DPY19L2: variants seen among roughly 807,000 people sequenced by gnomAD.
DPY19L2 encodes the protein dpy-19 like 2, also known as probable C-mannosyltransferase DPY19L2.
A neutral mutation model predicts 97.9 loss-of-function variants in DPY19L2; 34 were observed. The ratio of observed to expected loss-of-function variants is 0.35; its 90% CI spans 0.26 to 0.46. The LOEUF is 0.46. Ranked by LOEUF, DPY19L2 falls within the 20% of genes least tolerant of loss-of-function variation. The probability of loss-of-function intolerance (pLI) is 1.00; values close to 1 mark genes in which losing one functional copy is unlikely to be tolerated. For missense variants in DPY19L2, 623 were observed against 911.4 expected (o/e 0.68, Z 4.07); for synonymous variants, 230 against 307.9 (o/e 0.75, Z 2.65).
At chr12:63,627,839 T>C (rs1889841498) in intron 6 of DPY19L2, among the ~76,000 whole-genome samples, 4 of 152,142 alleles carry the variant, frequency 2.6e-5, no homozygotes. Context: ...TTCATTACTA[T>C]ATCCCCAGCT....
Position 63,582,389 on chromosome 12 carries a change from A to G in DPY19L2, c.1725+17T>C. 1 of 1,605,588 alleles carries G rather than the reference A, an allele frequency of 6.2e-7. No homozygotes were observed. The highest frequency in any genetic ancestry group is 8.5e-7 in the Non-Finnish European group (1 of 1,177,280). On this transcript the variant is annotated intron_variant, in intron 18 of 21. Transcript: ENST00000324472. ...TATAGTTTTTATAGTATTGTTATACAAGAATGAATCCCTTACCTGTCGAGA... is the reference window on the plus strand; with the variant it reads ...TATAGTTTTTATAGTATTGTTATACGAGAATGAATCCCTTACCTGTCGAGA...
intron 9 of DPY19L2, among the ~76,000 whole-genome samples, 198 bp downstream of exon 9, chr12:63,621,038 CTG>C (rs1888610211): frequency 6.6e-6 from 1 of 151,508 alleles, no homozygotes; most frequent in Non-Finnish European, 1.5e-5. Flanking sequence ...ACAACACACA[CTG>C]GGGCCTGTCA....
At chr12:63,590,886 A>G (rs1439269495) in intron 16 of DPY19L2, 2 of 309,184 alleles carry the variant, frequency 6.5e-6, no homozygotes, top group South Asian at 2.7e-5. Context: ...CAAATATGTA[A>G]TCAATACATA....
intron 16 of DPY19L2, among the ~76,000 whole-genome samples, chr12:63,587,306 T>C (rs1241368064): frequency 6.6e-6 from 1 of 152,020 alleles, no homozygotes; most frequent in South Asian, 2.1e-4. Flanking sequence ...TCATTTTTAA[T>C]GTTGTATGTG....
chr12:63,633,612 G>A (rs1287328870), intron 6 of DPY19L2, among the ~76,000 whole-genome samples: 1 of 152,128 alleles, frequency 6.6e-6, no homozygotes. Context: ...TTACACTGTT[G>A]GTGGGACTGT....
intron 16 of DPY19L2, among the ~76,000 whole-genome samples, chr12:63,588,616 T>TTTAAAAAA (rs1882230393): frequency 6.6e-6 from 1 of 152,128 alleles, no homozygotes; most frequent in Non-Finnish European, 1.5e-5. Context: ...TAAAGCCATT[T>TTTAAAAAA]TTAAAAAATT....
In DPY19L2 at chr12:63,611,691, C is replaced by A. The variant is rs187058131; in HGVS notation, c.1219-3016G>T. On this transcript the variant is annotated intron_variant, in intron 11 of 21. Transcript: ENST00000324472. ...CAACAGGTTAGATACTGCAGAAAAA[C>A]AACCAGTGAACTCTTGAAGACACAG... Among the ~76,000 whole-genome samples the A allele has an allele frequency of 2.8e-4, 42 of 152,108 alleles. No individual in the cohort carries two copies. The East Asian group carries it at 8.1e-3, about 29-fold the overall frequency.
chr12:63,635,648 T>A (rs1473679570), intron 6 of DPY19L2, among the ~76,000 whole-genome samples: 1 of 152,066 alleles, frequency 6.6e-6, no homozygotes, highest in African/African-American at 2.4e-5. Context: ...ATGCACAAGC[T>A]TCAGTAGCCG....
intron 11 of DPY19L2, among the ~76,000 whole-genome samples, chr12:63,612,050 T>C (rs1332842478): frequency 6.6e-6 from 1 of 151,934 alleles, no homozygotes; most frequent in Non-Finnish European, 1.5e-5. Flanking sequence ...AAGTAACATA[T>C]TATTTACAGA....
intron 6 of DPY19L2, among the ~76,000 whole-genome samples, chr12:63,632,846 G>A (rs111810417): frequency 6.6e-6 from 1 of 152,086 alleles, no homozygotes; most frequent in Non-Finnish European, 1.5e-5. Context: ...AAAACAGCAT[G>A]GTACTGGTAC....
intron 16 of DPY19L2, among the ~76,000 whole-genome samples, chr12:63,593,291 T>G (rs1038498680): frequency 3.9e-5 from 6 of 152,186 alleles, no homozygotes; most frequent in African/African-American, 1.2e-4. Flanking sequence ...CATTACTGGG[T>G]ATATACTCAA....
chr12:63,605,330 T>C (rs1169189916), intron 12 of DPY19L2, among the ~76,000 whole-genome samples: 4 of 152,094 alleles, frequency 2.6e-5, no homozygotes, highest in African/African-American at 4.8e-5. Flanking sequence ...TTGGAGGGAA[T>C]AGTAGATACC....
intron 14 of DPY19L2, 27 bp from the exon 15 acceptor site, chr12:63,596,064 G>GA (rs1884181634): frequency 6.4e-7 from 1 of 1,563,412 alleles, no homozygotes; most frequent in Non-Finnish European, 8.6e-7. Context: ...TATTCAAAAT[G>GA]GTTACTTACA....
At chr12:63,564,686 A>C (rs1877299893) in intron 21 of DPY19L2, among the ~76,000 whole-genome samples, 1 of 152,028 alleles carries the variant, frequency 6.6e-6, no homozygotes, top group African/African-American at 2.4e-5. Flanking sequence ...CGTGTGCTTG[A>C]ATGTCTATTT....
chr12:63,643,174 C>G (rs1892938739), intron 6 of DPY19L2, among the ~76,000 whole-genome samples: 1 of 151,584 alleles, frequency 6.6e-6, no homozygotes, highest in Admixed American at 6.6e-5. Flanking sequence ...TAAAATTTTT[C>G]TAGATACATG....
chr12:63,561,116 T>TA (rs1876414160), intron 21 of DPY19L2, among the ~76,000 whole-genome samples: 1 of 152,136 alleles, frequency 6.6e-6, no homozygotes, highest in Non-Finnish European at 1.5e-5. Flanking sequence ...AGGAGACTCT[T>TA]ACAGCAATTT....
chr12:63,659,989 C>CA (rs1895465005), intron 4 of DPY19L2, among the ~76,000 whole-genome samples: 1 of 151,958 alleles, frequency 6.6e-6, no homozygotes, highest in Non-Finnish European at 1.5e-5. Context: ...CAAATTAAAA[C>CA]AAAAAAGCAT....
intron 16 of DPY19L2, among the ~76,000 whole-genome samples, chr12:63,588,440 G>C (rs774292701): frequency 6.6e-6 from 1 of 152,096 alleles, no homozygotes; most frequent in Admixed American, 6.6e-5. Flanking sequence ...GAATAAGTTC[G>C]AGAGATCGAC....
intron 7 of DPY19L2, among the ~76,000 whole-genome samples, chr12:63,625,436 G>A (rs529974448): frequency 6.6e-6 from 1 of 151,480 alleles, no homozygotes; most frequent in East Asian, 1.9e-4. Context: ...TGTAACCTGT[G>A]ACATAACATA....
Sources: gnomAD v4.1 joint callset for allele counts (sites outside exome capture counted in the v4.1 genomes callset) on GRCh38, gnomAD v4.1.1 for gene constraint, MANE v1.5 for transcripts, NCBI Gene and HGNC (gene_info 2026-07-23, HGNC 2026-07-21) for gene names.